SNAP47: variants seen among roughly 807,000 people sequenced by gnomAD.
The protein encoded by SNAP47 is synaptosome associated protein 47, also known as synaptosomal-associated protein 47.
In SNAP47, 20 loss-of-function variants were observed where a neutral mutation model predicts 31.4. The observed-to-expected ratio is 0.64, with a 90% confidence interval of 0.45 to 0.93. The LOEUF (loss-of-function observed/expected upper bound fraction) is 0.93, where lower values mean the gene tolerates loss of function less well. Ranked by LOEUF, SNAP47 falls within the 40% of genes least tolerant of loss-of-function variation. SNAP47 has a pLI of 0.00. For synonymous variants in SNAP47, 194 were observed against 213.4 expected, an observed-to-expected ratio of 0.91 and a Z score of 0.79; for missense variants, 492 against 528.5, an observed-to-expected ratio of 0.93 and a Z score of 0.68.
intron 4 of SNAP47, among the ~76,000 whole-genome samples, chr1:227,779,348 CT>C (rs2103007410): frequency 6.6e-6 from 1 of 152,334 alleles, no homozygotes; most frequent in East Asian, 1.9e-4. Context: ...CCTGCCCTGG[CT>C]GCCCAACCCC....
rs1663227324 is a variant in SNAP47, at chr1:227,763,958, G to T, written c.989-3001G>T. Among the ~76,000 whole-genome samples, 2 of 152,192 alleles carry T rather than the reference G, an allele frequency of 1.3e-5. No individual in the cohort carries two copies. Among genetic ancestry groups the T allele is most frequent in the South Asian group, 2.1e-4 (1 of 4,830 alleles). On this transcript the variant is annotated intron_variant, in intron 3 of 4. Coordinates refer to ENST00000617596, the MANE Select transcript of SNAP47 (RefSeq NM_053052.4). The surrounding 1 kb of genome is among the most constrained non-coding windows in gnomAD (Gnocchi z 4.2). ...TTGCACAGGGGCCTGTGGCCTCAGG[G>T]CACTCTCTTTCCAGATGACCAAGAC...
At chr1:227,749,149 C>T (rs1000489218) in intron 2 of SNAP47, among the ~76,000 whole-genome samples, 2 of 152,056 alleles carry the variant, frequency 1.3e-5, no homozygotes, top group Admixed American at 6.5e-5. Context: ...TATTAATAGC[C>T]TTGTTTTGCT....
At chr1:227,739,244 T>C (rs1289194971) in intron 1 of SNAP47, among the ~76,000 whole-genome samples, 1 of 152,226 alleles carries the variant, frequency 6.6e-6, no homozygotes, top group Non-Finnish European at 1.5e-5. Flanking sequence ...CACTGCAACC[T>C]CTGCCTTCTG....
At chr1:227,742,047 T>C (rs577894136) in intron 1 of SNAP47, among the ~76,000 whole-genome samples, 62 of 152,168 alleles carry the variant, frequency 4.1e-4, no homozygotes, top group Non-Finnish European at 8.1e-4. Flanking sequence ...ATTATTATTA[T>C]ACTTTAAGTT....
chr1:227,766,928 T>C (rs776464147), intron 3 of SNAP47, 31 bp from the exon 4 acceptor site: 7 of 1,611,458 alleles, frequency 4.3e-6, no homozygotes, highest in Admixed American at 3.3e-5. Context: ...CTCCGAGAGA[T>C]GTCACTGCTG....
chr1:227,754,780 A>G (rs960857626), intron 2 of SNAP47, among the ~76,000 whole-genome samples: 2 of 152,170 alleles, frequency 1.3e-5, no homozygotes, highest in African/African-American at 4.8e-5. Context: ...GTCACAGGAA[A>G]TTGAGAGGAC....
chr1:227,761,798 GCACT>G (rs1327363947), intron 3 of SNAP47, among the ~76,000 whole-genome samples: 1 of 152,180 alleles, frequency 6.6e-6, no homozygotes, highest in Non-Finnish European at 1.5e-5. Flanking sequence ...CAGTAGAGAA[GCACT>G]CAGTGTGTTT....
At chr1:227,732,928 C>G (rs756269673), upstream of SNAP47, 8 of 1,613,116 alleles carry the variant, frequency 5.0e-6, no homozygotes, top group South Asian at 8.8e-5. Flanking sequence ...CACTCGCTGA[C>G]CTCCTCCTGC....
At chr1:227,761,212 G>T (rs1663037712) in intron 3 of SNAP47, among the ~76,000 whole-genome samples, 1 of 152,194 alleles carries the variant, frequency 6.6e-6, no homozygotes, top group African/African-American at 2.4e-5. Flanking sequence ...TTAAGAGAAA[G>T]ATTTCAGTTC....
intron 1 of SNAP47, among the ~76,000 whole-genome samples, chr1:227,737,623 G>T (rs555682776): frequency 1.3e-5 from 2 of 152,300 alleles, no homozygotes; most frequent in South Asian, 2.1e-4. Context: ...GAGTGCTGGG[G>T]CTCTGAGCCT....
At chr1:227,751,744 GTTTTTTTTTTTTTTTTTT>G (rs540732076) in intron 2 of SNAP47, among the ~76,000 whole-genome samples, 67 of 69,188 alleles carry the variant, frequency 9.7e-4, no homozygotes, top group Admixed American at 3.9e-3. Flanking sequence ...TAAAGACTTG[GTTTTTTTTTTTTTTTTTT>G]TTTTTTTTTT....
At position 227,762,668 on chromosome 1, in the gene SNAP47, C is replaced by A. The variant is rs1371510757; in HGVS notation, c.988+3183C>A. Among the ~76,000 whole-genome samples, 1 of 152,200 alleles carries A rather than the reference C, an allele frequency of 6.6e-6. No individual in the cohort carries two copies. The highest frequency in any genetic ancestry group is 1.5e-5 in the Non-Finnish European group (1 of 68,032). Reference sequence around the variant, plus strand: ...GGGACACCCGGGGCGGGGAGCCTTTCCAGAGACCTCTGCAGGGCTGCGTGC... The same window carrying A: ...GGGACACCCGGGGCGGGGAGCCTTTACAGAGACCTCTGCAGGGCTGCGTGC... On this transcript the variant is annotated intron_variant, in intron 3 of 4. Coordinates refer to ENST00000617596, the MANE Select transcript of SNAP47 (RefSeq NM_053052.4). This position sits in a 1 kb window ranked among gnomAD's most constrained non-coding sequence, Gnocchi z 4.2.
At chr1:227,732,867 C>T (rs768684585), upstream of SNAP47, 24 of 1,611,892 alleles carry the variant, frequency 1.5e-5, no homozygotes, top group Admixed American at 3.3e-5. Context: ...AGCCTCCATG[C>T]GTAGCCACCC....
rs79849608 is a variant in SNAP47 at position 227,759,600 on chromosome 1, C to T, written c.988+115C>T. On this transcript the variant is annotated intron_variant, in intron 3 of 4. Coordinates refer to ENST00000617596, the MANE Select transcript of SNAP47 (RefSeq NM_053052.4). ...CGTCACCTAGAGCAGCTGCTGGCCTCCAGCTTGCTAGAGACAGCTCGTTTG... is the reference window on the plus strand; with the variant it reads ...CGTCACCTAGAGCAGCTGCTGGCCTTCAGCTTGCTAGAGACAGCTCGTTTG... 427 of 1,398,382 alleles carry T rather than the reference C, an allele frequency of 3.1e-4. No individual in the cohort carries two copies. The East Asian group carries it at 7.5e-3, about 25-fold the overall frequency. The allele number at this position is 1,398,382 out of a possible 1,614,324, so 86.6% of individuals were successfully genotyped here.
upstream of SNAP47, chr1:227,735,389 T>G (rs768434233): frequency 1.9e-6 from 3 of 1,582,820 alleles, no homozygotes; most frequent in East Asian, 2.3e-5. Context: ...CGCCAGCGCC[T>G]GGGGCTCCGG....
At chr1:227,743,277 C>T (rs1056882525) in intron 1 of SNAP47, among the ~76,000 whole-genome samples, 3 of 152,216 alleles carry the variant, frequency 2.0e-5, no homozygotes, top group Non-Finnish European at 4.4e-5. Context: ...GCTGCAAACC[C>T]ACCTGTCAGG....
At chr1:227,734,937 T>C, upstream of SNAP47, 1 of 1,509,042 alleles carries the variant, frequency 6.6e-7, no homozygotes, top group Admixed American at 2.1e-5. Context: ...GGTGCCCCTC[T>C]CTAGGCGGGG....
chr1:227,733,848 T>C (rs1031989093), upstream of SNAP47: 2 of 1,605,596 alleles, frequency 1.2e-6, no homozygotes, highest in African/African-American at 1.3e-5. Flanking sequence ...ACCCTGGGCC[T>C]CCCAGTCCGT....
chr1:227,775,639 C>T, intron 4 of SNAP47: 1 of 732,570 alleles, frequency 1.4e-6, no homozygotes, highest in South Asian at 1.7e-5. Context: ...AGCACTCAGC[C>T]TTGCCCTAAT....
Sources: allele counts gnomAD v4.1 joint callset (sites outside exome capture counted in the v4.1 genomes callset), GRCh38; gene constraint gnomAD v4.1.1; non-coding constraint Gnocchi (gnomAD v3.1); transcripts MANE v1.5; gene names NCBI Gene and HGNC (gene_info 2026-07-23, HGNC 2026-07-21).